The following ALK variants were observed in gnomAD, a reference collection of about 807,000 sequenced individuals.
The protein encoded by ALK is ALK tyrosine kinase receptor.
A neutral mutation model predicts 163.1 loss-of-function variants in ALK; 74 were observed. The ratio of observed to expected loss-of-function variants is 0.45; its 90% CI spans 0.38 to 0.55. The LOEUF (loss-of-function observed/expected upper bound fraction) is 0.55. ALK is among the 20% of genes least tolerant of loss of function. The pLI is 0.00. For synonymous variants in ALK, 960 were observed against 843.2 expected (o/e 1.14, Z -2.40); for missense variants, 2,063 against 2,105.3 (o/e 0.98, Z 0.39).
At chr2:29,665,018 TGAGACC>T (rs1677471861) in intron 3 of ALK, among the ~76,000 whole-genome samples, 1 of 144,052 alleles carries the variant, frequency 6.9e-6, no homozygotes. Flanking sequence ...TTTTTTTTTT[TGAGACC>T]TGCTCTCACT....
intron 3 of ALK, among the ~76,000 whole-genome samples, chr2:29,550,061 C>T (rs1317457381): frequency 2.0e-5 from 3 of 152,148 alleles, no homozygotes; most frequent in African/African-American, 4.8e-5. Flanking sequence ...AGTCACATCT[C>T]CCTAGGCCTT....
chr2:29,822,385 GGGA>G (rs1353448322), intron 1 of ALK, among the ~76,000 whole-genome samples: 2 of 152,214 alleles, frequency 1.3e-5, no homozygotes, highest in African/African-American at 4.8e-5. Flanking sequence ...GTTTTCAGGT[GGGA>G]GGAGGACAGA....
intron 1 of ALK, among the ~76,000 whole-genome samples, chr2:29,756,781 C>T (rs529317252): frequency 6.6e-6 from 1 of 152,302 alleles, no homozygotes; most frequent in East Asian, 1.9e-4. Context: ...CCCGCCTCAG[C>T]CTTTCAAAGT....
rs560454283 is a variant in ALK at position 29,828,831 on chromosome 2, T to C, written c.667+91162A>G. Among the ~76,000 whole-genome samples, 1,294 of 152,124 alleles carry C rather than the reference T, an allele frequency of 8.5e-3. 11 individuals are homozygous for C. Among genetic ancestry groups the C allele is most frequent in the Middle Eastern group, 0.027 (8 of 294 alleles). On this transcript the variant is annotated intron_variant, in intron 1 of 28. Coordinates refer to ENST00000389048, the MANE Select transcript of ALK (RefSeq NM_004304.5). ...CATTACTGGGTATATACCCAAAGGA[T>C]TATAAATCATGCTGCTATAAAGACA...
At chr2:29,574,336 AG>A (rs781104822) in intron 3 of ALK, among the ~76,000 whole-genome samples, 4 of 152,208 alleles carry the variant, frequency 2.6e-5, no homozygotes, top group Non-Finnish European at 5.9e-5. Flanking sequence ...CTGAATAAGA[AG>A]GCTCTTTCTA....
At chr2:29,592,250 G>A (rs1484482362) in intron 3 of ALK, among the ~76,000 whole-genome samples, 2 of 152,046 alleles carry the variant, frequency 1.3e-5, no homozygotes, top group Admixed American at 6.6e-5. Flanking sequence ...ATACCACCAG[G>A]CCCACCCTAG....
chr2:29,803,890 G>C (rs1664546069), intron 1 of ALK, among the ~76,000 whole-genome samples: 1 of 152,124 alleles, frequency 6.6e-6, no homozygotes, highest in African/African-American at 2.4e-5. Context: ...GTCCCTTACA[G>C]GAGGCATTTT....
At chr2:29,299,181 C>T (rs1666294430) in intron 8 of ALK, among the ~76,000 whole-genome samples, 1 of 152,192 alleles carries the variant, frequency 6.6e-6, no homozygotes, top group African/African-American at 2.4e-5. Context: ...TCTTTGAACT[C>T]TTCAGAGTCT....
chr2:29,836,949 G>C (rs915889682), intron 1 of ALK, among the ~76,000 whole-genome samples: 1 of 152,100 alleles, frequency 6.6e-6, no homozygotes, highest in Non-Finnish European at 1.5e-5. Context: ...AAACATTTTT[G>C]AAACTAAAAA....
chr2:29,482,166 T>C (rs993195521), intron 4 of ALK, among the ~76,000 whole-genome samples: 11 of 152,180 alleles, frequency 7.2e-5, no homozygotes, highest in Non-Finnish European at 1.2e-4. Flanking sequence ...CCTAGTAGCA[T>C]TGGAGCCATC....
intron 1 of ALK, among the ~76,000 whole-genome samples, chr2:29,814,160 T>G (rs1228901436): frequency 6.6e-6 from 1 of 152,100 alleles, no homozygotes; most frequent in African/African-American, 2.4e-5. Context: ...ACAGCAACCC[T>G]AGGAGGCAGG....
rs374104710 is a variant in ALK, at chr2:29,743,969, G to GT, written c.668-26273dup. Among the ~76,000 whole-genome samples the GT allele has an allele frequency of 2.3e-3, 340 of 149,204 alleles. 1 individual carries two copies. Among genetic ancestry groups the GT allele is most frequent in the South Asian group, 7.5e-3 (35 of 4,694 alleles). ...ATAAAAAAAAAAATGCTTAGACCAT[G>GT]TTTTTTTTTTCTTTAATTGAAAAGT... On this transcript the variant is annotated intron_variant, in intron 1 of 28. Coordinates refer to ENST00000389048, the MANE Select transcript of ALK (RefSeq NM_004304.5).
At chr2:29,485,012 G>A (rs1004829380) in intron 4 of ALK, among the ~76,000 whole-genome samples, 1 of 152,032 alleles carries the variant, frequency 6.6e-6, no homozygotes, top group Non-Finnish European at 1.5e-5. Flanking sequence ...TTGTCTAGGA[G>A]TAGATGTATC....
chr2:29,759,899 A>G (rs1205999337), intron 1 of ALK, among the ~76,000 whole-genome samples: 2 of 152,258 alleles, frequency 1.3e-5, no homozygotes, highest in Non-Finnish European at 2.9e-5. Context: ...ATATGAAAGC[A>G]AAACATAATT....
chr2:29,285,380 T>C (rs1242707609), intron 9 of ALK, among the ~76,000 whole-genome samples: 1 of 151,914 alleles, frequency 6.6e-6, no homozygotes, highest in East Asian at 1.9e-4. Context: ...GCTTCCCGAG[T>C]AGCTGGGATT....
intron 4 of ALK, among the ~76,000 whole-genome samples, chr2:29,400,561 T>C (rs1669418735): frequency 6.6e-6 from 1 of 152,190 alleles, no homozygotes; most frequent in Non-Finnish European, 1.5e-5. Context: ...AGAACAAGAC[T>C]TTGATCACAA....
chr2:29,665,114 C>T (rs1276665675), intron 3 of ALK, among the ~76,000 whole-genome samples: 1 of 151,070 alleles, frequency 6.6e-6, no homozygotes, highest in Non-Finnish European at 1.5e-5. Context: ...GATCCTCCTG[C>T]CTCCACCCCC....
intron 4 of ALK, among the ~76,000 whole-genome samples, chr2:29,507,655 C>T (rs928591502): frequency 8.5e-5 from 13 of 152,198 alleles, no homozygotes; most frequent in African/African-American, 2.4e-4. Flanking sequence ...TCTATGGCCT[C>T]TGTGCTCAGG....
At chr2:29,396,503 GTC>G (rs1669307373) in intron 4 of ALK, among the ~76,000 whole-genome samples, 2 of 152,154 alleles carry the variant, frequency 1.3e-5, no homozygotes, top group South Asian at 4.2e-4. Flanking sequence ...GTGAAACCCT[GTC>G]TCTACTAAAA....
Sources: gnomAD v4.1 joint callset for allele counts (sites outside exome capture counted in the v4.1 genomes callset) on GRCh38, gnomAD v4.1.1 for gene constraint, MANE v1.5 for transcripts, NCBI Gene and HGNC (gene_info 2026-07-23, HGNC 2026-07-21) for gene names.